The following CRPPA variants were observed in gnomAD, a reference collection of about 807,000 sequenced individuals.
The protein encoded by CRPPA is D-ribitol-5-phosphate cytidylyltransferase.
A neutral mutation model predicts 52.0 loss-of-function variants in CRPPA; 43 were observed. The ratio of observed to expected loss-of-function variants is 0.83; its 90% CI spans 0.65 to 1.07. The LOEUF is 1.07. Among genes scored for constraint, CRPPA ranks in the 50% least tolerant of loss-of-function variants. CRPPA has a pLI of 0.00. For synonymous variants in CRPPA, 250 were observed against 203.5 expected (o/e 1.23, Z -1.94); for missense variants, 629 against 551.7 (o/e 1.14, Z -1.40).
intron 2 of CRPPA, among the ~76,000 whole-genome samples, chr7:16,388,102 G>A (rs1303004196): frequency 6.6e-6 from 1 of 152,134 alleles, no homozygotes; most frequent in African/African-American, 2.4e-5. Context: ...GCCAGCCTCA[G>A]CCTCCCAAGT....
chr7:16,217,819 T>G (rs1782373502), intron 8 of CRPPA, among the ~76,000 whole-genome samples: 1 of 151,568 alleles, frequency 6.6e-6, no homozygotes, highest in Non-Finnish European at 1.5e-5. Context: ...GTCTGATTGG[T>G]GTACCTGAAA....
chr7:16,253,217 T>G (rs907532505), intron 8 of CRPPA, among the ~76,000 whole-genome samples: 2 of 152,210 alleles, frequency 1.3e-5, no homozygotes, highest in African/African-American at 4.8e-5. Context: ...TTTTAGATCT[T>G]TCCTGCTTTC....
intron 3 of CRPPA, among the ~76,000 whole-genome samples, chr7:16,363,257 C>T (rs879733285): frequency 6.6e-6 from 1 of 152,064 alleles, no homozygotes; most frequent in Non-Finnish European, 1.5e-5. Context: ...CAAAAAATGA[C>T]CCAACTCATT....
At chr7:16,278,641 A>T (rs550067954) in intron 5 of CRPPA, among the ~76,000 whole-genome samples, 94 of 152,312 alleles carry the variant, frequency 6.2e-4, no homozygotes, top group African/African-American at 1.9e-3. Context: ...GCACAGATTC[A>T]ATGTGCCATC....
chr7:16,138,051 GACA>G (rs1449164884), intron 9 of CRPPA, among the ~76,000 whole-genome samples: 7 of 152,026 alleles, frequency 4.6e-5, no homozygotes, highest in South Asian at 2.1e-4. Context: ...TAAATATTAA[GACA>G]ACAATAAAAC....
intron 9 of CRPPA, among the ~76,000 whole-genome samples, chr7:16,156,109 C>G (rs966763826): frequency 1.6e-4 from 11 of 70,958 alleles, no homozygotes; most frequent in Admixed American, 1.4e-3. Context: ...CTGAGTTATT[C>G]AAAAGCAAAA....
intron 9 of CRPPA, among the ~76,000 whole-genome samples, chr7:16,165,702 C>T (rs1273107616): frequency 6.6e-6 from 1 of 152,204 alleles, no homozygotes. Context: ...CACCATAATT[C>T]CCTTCTTCCA....
At chr7:16,121,406 A>G (rs1782478090) in intron 9 of CRPPA, among the ~76,000 whole-genome samples, 2 of 152,016 alleles carry the variant, frequency 1.3e-5, no homozygotes, top group African/African-American at 4.8e-5. Flanking sequence ...CACCTCCCAA[A>G]AAATAAAAAA....
At chr7:16,361,346 T>A (rs764776714) in intron 3 of CRPPA, among the ~76,000 whole-genome samples, 1 of 152,330 alleles carries the variant, frequency 6.6e-6, no homozygotes, top group Middle Eastern at 3.4e-3. Flanking sequence ...CTTTCCAGTA[T>A]TTCCACTTCT....
chr7:16,207,568 T>C (rs559377143), intron 9 of CRPPA, among the ~76,000 whole-genome samples: 2 of 152,326 alleles, frequency 1.3e-5, no homozygotes, highest in East Asian at 1.9e-4. Flanking sequence ...TCACATATTA[T>C]TCAAGGAAAG....
At chr7:16,240,083 T>C (rs1783064601) in intron 8 of CRPPA, among the ~76,000 whole-genome samples, 1 of 151,828 alleles carries the variant, frequency 6.6e-6, no homozygotes, top group African/African-American at 2.4e-5. Flanking sequence ...AACTTTCCAT[T>C]AACCATTTAG....
At position 16,256,563 on chromosome 7, in the gene CRPPA, C is replaced by G. The variant is rs186805789; in HGVS notation, c.1119+1827G>C. Among the ~76,000 whole-genome samples, 1,075 of 152,206 alleles carry G rather than the reference C, an allele frequency of 7.1e-3. 11 individuals are homozygous for G. The highest frequency in any genetic ancestry group is 0.025 in the African/African-American group (1,020 of 41,546). On this transcript the variant is annotated intron_variant, in intron 8 of 9. Coordinates refer to ENST00000407010, the MANE Select transcript of CRPPA (RefSeq NM_001101426.4). The stretch of plus-strand genomic sequence containing the variant: ...ATAAAGAAAATATGGCACATACACA[C>G]CATGGAATACTATGCAGCCATAAAA...
chr7:16,125,385 T>G (rs188095008), intron 9 of CRPPA, among the ~76,000 whole-genome samples: 1 of 151,804 alleles, frequency 6.6e-6, no homozygotes, highest in Non-Finnish European at 1.5e-5. Flanking sequence ...GTACCAAGCA[T>G]AGTCTCTGTC....
intron 8 of CRPPA, among the ~76,000 whole-genome samples, chr7:16,250,946 T>G (rs1290230940): frequency 6.6e-6 from 1 of 151,846 alleles, no homozygotes; most frequent in Non-Finnish European, 1.5e-5. Context: ...GGATAAACAG[T>G]CAAGAACCAT....
chr7:16,258,533 T>A, intron 7 of CRPPA, 51 bp from the exon 8 acceptor site: 1 of 1,036,090 alleles, frequency 9.7e-7, no homozygotes, highest in South Asian at 1.5e-5. Flanking sequence ...TTAAATGACT[T>A]AAAACTTATT....
At chr7:16,310,815 A>T (rs2158487) in intron 3 of CRPPA, among the ~76,000 whole-genome samples, 1 of 151,942 alleles carries the variant, frequency 6.6e-6, no homozygotes, top group South Asian at 2.1e-4. Flanking sequence ...TACAAACAAG[A>T]TGTAATCCAA....
chr7:16,173,064 AATTT>A (rs1462965394), intron 9 of CRPPA, among the ~76,000 whole-genome samples: 1 of 152,214 alleles, frequency 6.6e-6, no homozygotes, highest in Non-Finnish European at 1.5e-5. Flanking sequence ...ATGGTTAATT[AATTT>A]AATGACCTGC....
chr7:16,147,305 T>G (rs564642346), intron 9 of CRPPA, among the ~76,000 whole-genome samples: 1 of 152,322 alleles, frequency 6.6e-6, no homozygotes, highest in Admixed American at 6.5e-5. Context: ...ATCCCTGGCT[T>G]CAAGGAACGC....
At chr7:16,369,727 T>C (rs1786699349) in intron 3 of CRPPA, among the ~76,000 whole-genome samples, 1 of 152,190 alleles carries the variant, frequency 6.6e-6, no homozygotes, top group South Asian at 2.1e-4. Context: ...ACTAGCTCAC[T>C]TGGAAGGACA....
Sources: allele counts gnomAD v4.1 joint callset (sites outside exome capture counted in the v4.1 genomes callset), GRCh38; gene constraint gnomAD v4.1.1; transcripts MANE v1.5; gene names NCBI Gene and HGNC (gene_info 2026-07-23, HGNC 2026-07-21).